The following ZNF681 variants were observed in gnomAD, a reference collection of about 807,000 sequenced individuals.
ZNF681 encodes the protein hypothetical protein FLJ31526.
A neutral mutation model predicts 56.0 loss-of-function variants in ZNF681; 37 were observed. That is an observed-to-expected ratio of 0.66 (90% CI 0.51 to 0.87). The LOEUF is 0.87. Ranked by LOEUF, ZNF681 falls within the 40% of genes least tolerant of loss-of-function variation. ZNF681 has a pLI of 0.00. For missense variants in ZNF681, 741 were observed against 744.9 expected (o/e 0.99, Z 0.06); for synonymous variants, 225 against 248.6 (o/e 0.91, Z 0.89).
In ZNF681 at chr19:23,755,644, C is replaced by T. The variant is rs960392624; in HGVS notation, c.4-93G>A. The T allele has an allele frequency of 1.2e-4, 155 of 1,319,564 alleles. 2 individuals carry two copies. The highest frequency in any genetic ancestry group is 1.5e-4 in the Non-Finnish European group (154 of 1,010,956). 81.7% of individuals were successfully genotyped at this position (1,319,564 alleles called of 1,614,324 possible). On this transcript the variant is annotated intron_variant, in intron 1 of 3. Coordinates refer to ENST00000402377, the MANE Select transcript of ZNF681 (RefSeq NM_138286.3). Reference sequence around the variant, plus strand: ...CATGGAAAGAATTTATAATTTGATTCAAGGTAAAATAAGAAAGTGAAGAGA... The same window carrying T: ...CATGGAAAGAATTTATAATTTGATTTAAGGTAAAATAAGAAAGTGAAGAGA...
intron 3 of ZNF681, among the ~76,000 whole-genome samples, chr19:23,746,995 A>T (rs1968953593): frequency 6.6e-6 from 1 of 152,180 alleles, no homozygotes; most frequent in Non-Finnish European, 1.5e-5. Context: ...ATGGTAGTGC[A>T]TCTCTGTAGT....
chr19:23,743,710 C>G lies in ZNF681; in HGVS notation c.1840G>C (p.Gly614Arg). The change falls in exon 4 of 4, where the codon GGT becomes CGT. Residue 614 changes from glycine (G) to arginine (R), a missense_variant. Coordinates refer to ENST00000402377, the MANE Select transcript of ZNF681 (RefSeq NM_138286.3). ...NLTGHKKIHT[G>R]EKLYKPKRCN... ...CTTTTAGGTTTGTAGAGTTTCTCACCAGTATGAATTTTCTTATGTCCAGTA... is the reference window on the plus strand; with the variant it reads ...CTTTTAGGTTTGTAGAGTTTCTCACGAGTATGAATTTTCTTATGTCCAGTA... The G allele has an allele frequency of 6.2e-7, 1 of 1,611,528 alleles. No individual in the cohort carries two copies. The highest frequency in any genetic ancestry group is 8.5e-7 in the Non-Finnish European group (1 of 1,178,814).
intron 1 of ZNF681, among the ~76,000 whole-genome samples, chr19:23,755,880 G>C (rs911677043): frequency 6.6e-6 from 1 of 152,078 alleles, no homozygotes; most frequent in Non-Finnish European, 1.5e-5. Context: ...AAATATGAAT[G>C]CTTTTACACT....
chr19:23,754,682 G>T (rs1969087257), intron 3 of ZNF681, 141 bp downstream of exon 3: 2 of 752,482 alleles, frequency 2.7e-6, no homozygotes, highest in Middle Eastern at 2.4e-4. Flanking sequence ...AAAAAGAAAA[G>T]AAAAGAAAAA....
At chr19:23,751,870 G>A (rs1403480801) in intron 3 of ZNF681, among the ~76,000 whole-genome samples, 1 of 151,988 alleles carries the variant, frequency 6.6e-6, no homozygotes, top group Non-Finnish European at 1.5e-5. Context: ...TGTATTTTTA[G>A]TAGAGACGGG....
intron 3 of ZNF681, among the ~76,000 whole-genome samples, chr19:23,750,765 A>C (rs1969015892): frequency 6.8e-6 from 1 of 147,760 alleles, no homozygotes; most frequent in Admixed American, 6.9e-5. Flanking sequence ...TCCCTTGAAC[A>C]TGGGAGCTGA....
rs924688393 is a variant in ZNF681, at chr19:23,758,791, C to T, written c.-42G>A. On this transcript the variant is annotated 5_prime_UTR_variant, in exon 1 of 4. Transcript: ENST00000402377. Reference sequence around the variant, plus strand: ...GACCTGGCGTCTTAGCTATGGATCGCCAATACCTGCAGGTCAGAGGGCCAT... The same window carrying T: ...GACCTGGCGTCTTAGCTATGGATCGTCAATACCTGCAGGTCAGAGGGCCAT... 4 of 1,613,930 alleles carry T rather than the reference C, an allele frequency of 2.5e-6. No homozygotes were observed. In the African/African-American group the frequency reaches 4.0e-5, roughly 16 times the overall value.
rs1163136304 is a variant in ZNF681 at position 23,745,025 on chromosome 19, A to G, written c.525T>C (p.Phe175=). ...TRKKPFKYKE[F]GKSFCIFSNL... ...TTGAAAATATGCAAAATGATTTGCC[A>G]AATTCTTTATATTTAAAAGGTTTTT... Residue 175 remains phenylalanine (F), a synonymous_variant, in exon 4 of 4, where the codon TTT becomes TTC. Transcript: ENST00000402377. 1.9e-6 allele frequency: 3 copies of G among 1,594,106 alleles called. No individual in the cohort carries two copies. The African/African-American group carries it at 4.1e-5, about 22-fold the overall frequency.
intron 1 of ZNF681, among the ~76,000 whole-genome samples, chr19:23,757,740 G>T (rs1431220758): frequency 6.6e-6 from 1 of 151,922 alleles, no homozygotes; most frequent in African/African-American, 2.4e-5. Flanking sequence ...CCTAAATAAG[G>T]CCTCCAAAAA....
intron 1 of ZNF681, among the ~76,000 whole-genome samples, chr19:23,757,496 G>A (rs1393774600): frequency 2.0e-5 from 3 of 152,004 alleles, no homozygotes; most frequent in African/African-American, 7.3e-5. Context: ...ACTTGTTTGT[G>A]ACTTGTAGAG....
Position 23,740,362 on chromosome 19 carries a change from AC to A in ZNF681, c.*3249del, listed in dbSNP as rs1421058056. On this transcript the variant is annotated 3_prime_UTR_variant, in exon 4 of 4. Coordinates refer to ENST00000402377, the MANE Select transcript of ZNF681 (RefSeq NM_138286.3). ...GCTGTGATGCATACACAGCTGAAATACACATAATAAGACAAACAAAACTAAG... is the reference window on the plus strand; with the variant it reads ...GCTGTGATGCATACACAGCTGAAATAACATAATAAGACAAACAAAACTAAG... 1 of 152,200 alleles carries A rather than the reference AC, an allele frequency of 6.6e-6. No individual in the cohort carries two copies. Among genetic ancestry groups the A allele is most frequent in the Admixed American group, 6.5e-5 (1 of 15,280 alleles). 9.4% of individuals were successfully genotyped at this position (152,200 alleles called of 1,614,324 possible).
chr19:23,750,299 A>ATC (rs535165544), intron 3 of ZNF681, among the ~76,000 whole-genome samples: 3 of 129,642 alleles, frequency 2.3e-5, no homozygotes, highest in African/African-American at 8.7e-5. Flanking sequence ...AAAAAAAAAA[A>ATC]AAAACCAAAA....
Position 23,755,554 on chromosome 19 carries a change from G to C in ZNF681, c.4-3C>G. 1 of 1,434,654 alleles carries C rather than the reference G, an allele frequency of 7.0e-7. No homozygotes were observed. The allele number at this position is 1,434,654 out of a possible 1,614,324, so 88.9% of individuals were successfully genotyped here. ...ACATCCCTAAATTTCAATGGTTCCTGAAAAACACACACACACACACACACA... is the reference window on the plus strand; with the variant it reads ...ACATCCCTAAATTTCAATGGTTCCTCAAAAACACACACACACACACACACA... On this transcript the variant is annotated splice_polypyrimidine_tract_variant and splice_region_variant and intron_variant, in intron 1 of 3. Coordinates refer to ENST00000402377, the MANE Select transcript of ZNF681 (RefSeq NM_138286.3).
In ZNF681 at chr19:23,744,244, T is replaced by C. The variant is rs552612496; in HGVS notation, c.1306A>G (p.Asn436Asp). 22 of 1,613,332 alleles carry C rather than the reference T, an allele frequency of 1.4e-5. No homozygotes were observed. The East Asian group carries it at 4.7e-4, about 34-fold the overall frequency. ...TGAATATTCTTATGTTCAGTAAGGT[T>C]TGAGGATTGGTTAGAAGCTTTGCCA... is the stretch of plus-strand genomic sequence containing the variant. Reference protein sequence around the residue: ...KCGKASNQSSNLTEHKNIHTE... With the variant: ...KCGKASNQSSDLTEHKNIHTE... Residue 436 changes from asparagine (N) to aspartate (D), a missense_variant, in exon 4 of 4, where the codon AAC becomes GAC. Asn to Asp is a conservative substitution (Grantham distance 23). Transcript: ENST00000402377.
chr19:23,752,430 T>C (rs1969045735), intron 3 of ZNF681, among the ~76,000 whole-genome samples: 1 of 152,178 alleles, frequency 6.6e-6, no homozygotes, highest in South Asian at 2.1e-4. Context: ...CTGCCTATGT[T>C]AAAGCCCACT....
intron 3 of ZNF681, among the ~76,000 whole-genome samples, chr19:23,747,639 CAAAAAAA>C (rs57974422): frequency 8.3e-5 from 8 of 96,822 alleles, no homozygotes; most frequent in African/African-American, 1.2e-4. Context: ...GACTCCGTCT[CAAAAAAA>C]AAAAAAAAAA....
chr19:23,755,521 C>T lies in ZNF681; in HGVS notation c.34G>A (p.Glu12Lys). 1 of 1,590,742 alleles carries T rather than the reference C, an allele frequency of 6.3e-7. No homozygotes were observed. Among genetic ancestry groups the T allele is most frequent in the Non-Finnish European group, 8.6e-7 (1 of 1,166,736 alleles). The change falls in exon 2 of 4, where the codon GAA becomes AAA. Residue 12 changes from glutamate (E) to lysine (K), a missense_variant. Coordinates refer to ENST00000402377, the MANE Select transcript of ZNF681 (RefSeq NM_138286.3). Reference protein sequence around the residue: ...EPLKFRDVAIEFSLEEWQCLD... With the variant: ...EPLKFRDVAIKFSLEEWQCLD... ...CATTGCCACTCCTCCAGAGAGAATT[C>T]TATGGCCACATCCCTAAATTTCAAT... is the stretch of plus-strand genomic sequence containing the variant.
rs372111244 is a variant in ZNF681, at chr19:23,754,833, G to A, written c.216C>T (p.Ala72=). 7 of 1,613,752 alleles carry A rather than the reference G, an allele frequency of 4.3e-6. No homozygotes were observed. The highest frequency in any genetic ancestry group is 1.6e-4 in the Middle Eastern group (1 of 6,082). ...TTCACTCTCACCTACCTGGGGGTTCGGCCACCATCCTATGTCTCTTTCTAG... is the reference window on the plus strand; with the variant it reads ...TTCACTCTCACCTACCTGGGGGTTCAGCCACCATCCTATGTCTCTTTCTAG... ...PWTRKRHRMV[A]EPPVICSHFA... The change falls in exon 3 of 4, where the codon GCC becomes GCT. Residue 72 remains alanine, a synonymous_variant. Transcript: ENST00000402377.
At chr19:23,758,630 T>A (rs1364629091) in intron 1 of ZNF681, 117 bp downstream of exon 1, 8 of 1,528,956 alleles carry the variant, frequency 5.2e-6, no homozygotes, top group Middle Eastern at 3.4e-4. Flanking sequence ...CCAAGTGGAC[T>A]GAGGCCGCCT....
Sources: allele counts gnomAD v4.1 joint callset (sites outside exome capture counted in the v4.1 genomes callset), GRCh38; gene constraint gnomAD v4.1.1; transcripts MANE v1.5; gene names NCBI Gene and HGNC (gene_info 2026-07-23, HGNC 2026-07-21).